Variants in RTKN2 observed in about 807,000 individuals in gnomAD.
RTKN2 encodes rhotekin-2.
A neutral mutation model predicts 71.5 loss-of-function variants in RTKN2; 69 were observed. The observed-to-expected ratio is 0.96, with a 90% CI of 0.79 to 1.18. RTKN2 has a LOEUF of 1.18. Among genes scored for constraint, RTKN2 ranks in the 50% most tolerant of loss-of-function variants. The pLI, the probability that RTKN2 is intolerant of heterozygous loss-of-function variation, is 0.00. For missense variants in RTKN2, 724 were observed against 719.7 expected, an observed-to-expected ratio of 1.01 and a Z score of -0.07; for synonymous variants, 236 against 236.5, an observed-to-expected ratio of 1.00 and a Z score of 0.02.
At chr10:62,184,334 G>T in exon 9 of RTKN2, 1 of 1,541,714 alleles carries the variant, frequency 6.5e-7, no homozygotes. Context: ...ATGTGAAGAG[G>T]AATTTGGAAG....
chr10:62,195,493 G>A lies in RTKN2; in HGVS notation c.*2415C>T, dbSNP rs1297502683. ...AGGAAGGGAGGAAGGAGAGACAGAAGGAAAGTGGGAAAAGGGGATGAGACA... is the reference window on the plus strand; with the variant it reads ...AGGAAGGGAGGAAGGAGAGACAGAAAGAAAGTGGGAAAAGGGGATGAGACA... On this transcript the variant is annotated 3_prime_UTR_variant, in exon 12 of 12. Coordinates refer to ENST00000373789, the MANE Select transcript of RTKN2 (RefSeq NM_145307.4). 2.5e-5 allele frequency: 23 copies of A among 904,632 alleles called. No individual in the cohort carries two copies. Among genetic ancestry groups the A allele is most frequent in the Non-Finnish European group, 2.9e-5 (22 of 756,964 alleles). 56.0% of individuals were successfully genotyped at this position (904,632 alleles called of 1,614,324 possible). A position where few individuals can be genotyped will look rare whatever the true frequency, so the allele number is the denominator to read the frequency against.
In RTKN2 at chr10:62,199,851, C is replaced by G. The variant is rs745751041; in HGVS notation, c.1197G>C (p.Lys399Asn). The change falls in exon 11 of 12, where the codon AAG (lysine) becomes AAC (asparagine). Residue 399 changes from lysine to asparagine, a missense_variant. Transcript: ENST00000373789. ...TTTTCATAAGTTCTTCACAACAGTG[C>G]TTCCATTGGCCTAAGACAGACAGAA... ...WQHFFDLSQW[K>N]HCCEELMKIE... is the part of the protein sequence containing the mutation. 5 of 1,607,970 alleles carry G rather than the reference C, an allele frequency of 3.1e-6. No individual in the cohort carries two copies. In the South Asian group the frequency reaches 5.5e-5, roughly 18 times the overall value.
intron 9 of RTKN2, chr10:62,215,052 G>A (rs1841738983): frequency 6.6e-7 from 1 of 1,512,970 alleles, no homozygotes; most frequent in Non-Finnish European, 9.0e-7. Context: ...GATATGGCGA[G>A]TTGAATTCCT....
In RTKN2 at chr10:62,194,510, A is replaced by C. The variant is rs1469147575; in HGVS notation, c.*3398T>G. The stretch of plus-strand genomic sequence containing the variant: ...CTCTTTAACAAGAAAATGAGTTTTG[A>C]TAAATTCAGACCACAGGGACAGATA... On this transcript the variant is annotated 3_prime_UTR_variant, in exon 12 of 12. Transcript: ENST00000373789. 3 of 984,274 alleles carry C rather than the reference A, an allele frequency of 3.0e-6. No individual in the cohort carries two copies. The African/African-American group carries it at 5.2e-5, about 17-fold the overall frequency. The allele number at this position is 984,274 out of a possible 1,614,324, so 61.0% of individuals were successfully genotyped here.
chr10:62,256,369 G>A (rs1842675304), intron 2 of RTKN2, among the ~76,000 whole-genome samples: 1 of 152,072 alleles, frequency 6.6e-6, no homozygotes, highest in South Asian at 2.1e-4. Context: ...GAAATAGGCA[G>A]AGTAATTAAA....
chr10:62,256,487 T>C (rs1340205709), intron 2 of RTKN2, among the ~76,000 whole-genome samples: 1 of 152,180 alleles, frequency 6.6e-6, no homozygotes, highest in Non-Finnish European at 1.5e-5. Flanking sequence ...AAATTGAATA[T>C]GGACGGGATA....
At chr10:62,201,118 T>C (rs1841432242) in intron 10 of RTKN2, among the ~76,000 whole-genome samples, 1 of 152,176 alleles carries the variant, frequency 6.6e-6, no homozygotes, top group Non-Finnish European at 1.5e-5. Flanking sequence ...AGGTTCACCT[T>C]CTTATAGCCT....
chr10:62,218,194 C>A lies in RTKN2; in HGVS notation c.888+1G>T, dbSNP rs1469137810. 12 of 1,597,898 alleles carry A rather than the reference C, an allele frequency of 7.5e-6. No individual in the cohort carries two copies. The highest frequency in any genetic ancestry group is 1.0e-5 in the Non-Finnish European group (12 of 1,165,960). ...TTGTAGGATATTTAAAGTCCTCTAA[C>A]CTGCTGATTAAGAAATCCTGCAAAT... is the stretch of plus-strand genomic sequence containing the variant. On this transcript the variant is annotated splice_donor_variant, in intron 8 of 11. Transcript: ENST00000373789. LOFTEE classifies it high-confidence loss of function.
chr10:62,210,650 T>C (rs1327205460), intron 9 of RTKN2, among the ~76,000 whole-genome samples: 2 of 152,106 alleles, frequency 1.3e-5, no homozygotes, highest in African/African-American at 2.4e-5. Flanking sequence ...ACTTTATATA[T>C]ACTCTAATGA....
At chr10:62,262,926 G>T in intron 1 of RTKN2, 105 bp from the exon 2 acceptor site, 1 of 632,188 alleles carries the variant, frequency 1.6e-6, no homozygotes, top group Non-Finnish European at 2.6e-6. Flanking sequence ...TATTGAGAAA[G>T]CAACAAAGTT....
At chr10:62,205,405 C>T (rs921887804) in intron 9 of RTKN2, among the ~76,000 whole-genome samples, 4 of 152,060 alleles carry the variant, frequency 2.6e-5, no homozygotes, top group Non-Finnish European at 4.4e-5. Context: ...ATGTGGATTA[C>T]ATGTTAACCA....
chr10:62,195,080 G>C lies in RTKN2; in HGVS notation c.*2828C>G, dbSNP rs765632500. 3 of 984,008 alleles carry C rather than the reference G, an allele frequency of 3.0e-6. No homozygotes were observed. The highest frequency in any genetic ancestry group is 1.7e-5 in the African/African-American group (1 of 57,214). 61.0% of individuals were successfully genotyped at this position (984,008 alleles called of 1,614,324 possible). A position where few individuals can be genotyped will look rare whatever the true frequency, so the allele number is the denominator to read the frequency against. The stretch of plus-strand genomic sequence containing the variant: ...ATTAAAATACAAAAGTTACCACTTA[G>C]TAGCAATTAAAAATAATACTATCTT... On this transcript the variant is annotated 3_prime_UTR_variant, in exon 12 of 12. Transcript: ENST00000373789.
chr10:62,189,718 C>T (rs773369620), downstream of RTKN2, among the ~76,000 whole-genome samples: 12 of 152,032 alleles, frequency 7.9e-5, no homozygotes, highest in African/African-American at 2.2e-4. Flanking sequence ...CCCAGCTACT[C>T]GGGAGGCTGA....
Position 62,218,296 on chromosome 10 carries a change from A to T in RTKN2, c.787T>A (p.Ser263Thr), listed in dbSNP as rs1384323485. The change falls in exon 8 of 12, where the codon TCT becomes ACT. Residue 263 changes from serine (S) to threonine (T), a missense_variant. Ser to Thr is a moderately conservative substitution (Grantham distance 58). Transcript: ENST00000373789. Reference sequence around the variant, plus strand: ...CCATACAGGGGAAGCCAAAATGAAGACTCCTCTATTTAAAGGAGAAAGAAA... The same window carrying T: ...CCATACAGGGGAAGCCAAAATGAAGTCTCCTCTATTTAAAGGAGAAAGAAA... ...HNLSINGNEE[S>T]SFWLPLYGNM... 3 of 1,595,460 alleles carry T rather than the reference A, an allele frequency of 1.9e-6. No homozygotes were observed. The highest frequency in any genetic ancestry group is 2.8e-5 in the African/African-American group (2 of 71,684).
Position 62,225,802 on chromosome 10 carries a change from G to C in RTKN2, c.687-2470C>G, listed in dbSNP as rs1210312880. Among the ~76,000 whole-genome samples, 3 of 138,520 alleles carry C rather than the reference G, an allele frequency of 2.2e-5. No individual in the cohort carries two copies. In the Admixed American group the frequency reaches 2.2e-4, roughly 10 times the overall value. The allele number at this position is 138,520 out of a possible 152,430, so 90.9% of individuals were successfully genotyped here. A position where few individuals can be genotyped will look rare whatever the true frequency, so the allele number is the denominator to read the frequency against. ...TTCTTTTCTTTTTTTTTTTTTTTGA[G>C]ACGGAGTCTCACTCTGTCACCCAGG... On this transcript the variant is annotated intron_variant, in intron 6 of 11. Transcript: ENST00000373789.
intron 5 of RTKN2, among the ~76,000 whole-genome samples, chr10:62,236,779 C>T (rs933229762): frequency 6.6e-6 from 1 of 151,802 alleles, no homozygotes; most frequent in Non-Finnish European, 1.5e-5. Flanking sequence ...CAACGGACAA[C>T]CATTCTGCCT....
In RTKN2 at chr10:62,195,043, C is replaced by T. The variant is rs1388928857; in HGVS notation, c.*2865G>A. The T allele has an allele frequency of 1.0e-6, 1 of 984,834 alleles. No homozygotes were observed. The highest frequency in any genetic ancestry group is 1.2e-6 in the Non-Finnish European group (1 of 829,452). 61.0% of individuals were successfully genotyped at this position (984,834 alleles called of 1,614,324 possible). On this transcript the variant is annotated 3_prime_UTR_variant, in exon 12 of 12. Transcript: ENST00000373789. Reference sequence around the variant, plus strand: ...TAGAATTTTAAAAATGCCTTCTTTGCCCTTGCAAGATATTAAAATACAAAA... The same window carrying T: ...TAGAATTTTAAAAATGCCTTCTTTGTCCTTGCAAGATATTAAAATACAAAA...
chr10:62,224,698 G>A (rs1028376879), intron 6 of RTKN2, among the ~76,000 whole-genome samples: 8 of 152,118 alleles, frequency 5.3e-5, no homozygotes, highest in African/African-American at 1.9e-4. Context: ...CCTGTGGTAG[G>A]TAGGTGAACT....
At chr10:62,203,072 A>G (rs1387049814) in intron 10 of RTKN2, among the ~76,000 whole-genome samples, 1 of 152,188 alleles carries the variant, frequency 6.6e-6, no homozygotes, top group Non-Finnish European at 1.5e-5. Flanking sequence ...AGGCAGGAGA[A>G]TCACTTGAAC....
Sources: allele counts gnomAD v4.1 joint callset (sites outside exome capture counted in the v4.1 genomes callset), GRCh38; gene constraint gnomAD v4.1.1; transcripts MANE v1.5; gene names NCBI Gene and HGNC (gene_info 2026-07-23, HGNC 2026-07-21).